SMYD3: variants seen among roughly 807,000 people sequenced by gnomAD.
SMYD3 encodes SET and MYND domain containing 3.
SMYD3 carries 36 observed loss-of-function variants against 57.7 expected under a neutral mutation model. The ratio of observed to expected loss-of-function variants is 0.62; its 90% CI spans 0.48 to 0.82. SMYD3 has a LOEUF of 0.82. Among genes scored for constraint, SMYD3 ranks in the 40% least tolerant of loss-of-function variants. The pLI is 0.00. For synonymous variants in SMYD3, 211 were observed against 195.0 expected, an observed-to-expected ratio of 1.08 and a Z score of -0.68; for missense variants, 515 against 538.8, an observed-to-expected ratio of 0.96 and a Z score of 0.44.
chr1:246,497,385 C>T (rs764762504), intron 1 of SMYD3, among the ~76,000 whole-genome samples: 27 of 152,138 alleles, frequency 1.8e-4, no homozygotes, highest in Admixed American at 1.1e-3. Flanking sequence ...AGGCTAAGAA[C>T]AGTTTGGAAA....
chr1:246,459,080 C>T (rs1041428784), intron 1 of SMYD3, among the ~76,000 whole-genome samples: 3 of 152,106 alleles, frequency 2.0e-5, no homozygotes, highest in African/African-American at 7.2e-5. Context: ...ATCATGGGGG[C>T]AGACTTCCCC....
intron 10 of SMYD3, among the ~76,000 whole-genome samples, chr1:245,833,073 A>AAAAAAAAAAACAAAAAAAACACAAC: frequency 7.8e-6 from 1 of 128,652 alleles, no homozygotes; most frequent in Non-Finnish European, 1.6e-5. Flanking sequence ...AAAAAAAAAA[A>AAAAAAAAAAACAAAAAAAACACAAC]AACCTGCTTT....
intron 10 of SMYD3, among the ~76,000 whole-genome samples, chr1:245,795,060 T>A (rs2047462961): frequency 6.6e-6 from 1 of 152,198 alleles, no homozygotes; most frequent in Admixed American, 6.5e-5. Flanking sequence ...CAGTGGCAGG[T>A]TCTCTCCCAT....
At chr1:246,292,163 C>T (rs1282512026) in intron 5 of SMYD3, among the ~76,000 whole-genome samples, 1 of 151,100 alleles carries the variant, frequency 6.6e-6, no homozygotes, top group Non-Finnish European at 1.5e-5. Context: ...ATCCAACACA[C>T]CAGCATCTTA....
chr1:246,120,027 T>C (rs2061401487), intron 5 of SMYD3, among the ~76,000 whole-genome samples: 1 of 152,280 alleles, frequency 6.6e-6, no homozygotes, highest in Admixed American at 6.5e-5. Context: ...TATGCTTAGG[T>C]CTGACGAAGA....
At chr1:246,075,064 A>T (rs1456970566) in intron 5 of SMYD3, among the ~76,000 whole-genome samples, 1 of 151,726 alleles carries the variant, frequency 6.6e-6, no homozygotes, top group Non-Finnish European at 1.5e-5. Flanking sequence ...CATTCTCAAG[A>T]AAAAAAAATT....
intron 1 of SMYD3, among the ~76,000 whole-genome samples, chr1:246,501,566 T>C: frequency 6.6e-6 from 1 of 152,196 alleles, no homozygotes; most frequent in Non-Finnish European, 1.5e-5. Flanking sequence ...ATCCATTGAT[T>C]CGGCCACATT....
At chr1:246,013,399 C>T (rs1440374044) in intron 5 of SMYD3, among the ~76,000 whole-genome samples, 7 of 152,072 alleles carry the variant, frequency 4.6e-5, no homozygotes, top group African/African-American at 9.7e-5. Flanking sequence ...AGGCTGGTCT[C>T]GAACTCCCAA....
chr1:246,225,213 C>T (rs754945901), intron 5 of SMYD3, among the ~76,000 whole-genome samples: 2 of 149,940 alleles, frequency 1.3e-5, no homozygotes, highest in Non-Finnish European at 3.0e-5. Context: ...CATCAACAGC[C>T]GTCAAAAGAT....
intron 8 of SMYD3, among the ~76,000 whole-genome samples, chr1:245,903,143 A>G (rs555820990): frequency 2.0e-5 from 3 of 152,336 alleles, no homozygotes; most frequent in Non-Finnish European, 4.4e-5. Flanking sequence ...AGATATCGTA[A>G]AAAGAACCAA....
intron 5 of SMYD3, among the ~76,000 whole-genome samples, chr1:246,120,309 C>T (rs1048313571): frequency 6.6e-5 from 10 of 152,078 alleles, no homozygotes; most frequent in East Asian, 1.9e-4. Context: ...GTAGCATGTC[C>T]GGAACCCCAT....
intron 3 of SMYD3, among the ~76,000 whole-genome samples, chr1:246,334,519 T>C (rs1348146617): frequency 6.6e-6 from 1 of 151,980 alleles, no homozygotes; most frequent in East Asian, 1.9e-4. Context: ...TGGGTGGACA[T>C]GGACACAAAG....
intron 5 of SMYD3, chr1:245,953,434 T>C: frequency 1.2e-6 from 1 of 827,536 alleles, no homozygotes; most frequent in Non-Finnish European, 1.5e-6. Flanking sequence ...TTTTGTTTTG[T>C]TTTTGAGACA....
intron 7 of SMYD3, among the ~76,000 whole-genome samples, chr1:245,919,642 C>G (rs942456670): frequency 6.6e-6 from 1 of 152,118 alleles, no homozygotes; most frequent in Non-Finnish European, 1.5e-5. Flanking sequence ...CTGGTAATGA[C>G]AGCTAAAATC....
chr1:246,224,284 G>A (rs2063297756), intron 5 of SMYD3, among the ~76,000 whole-genome samples: 1 of 152,002 alleles, frequency 6.6e-6, no homozygotes. Context: ...TCTGGGGTGG[G>A]GTGTGGCATT....
At chr1:246,195,730 T>C (rs2062821635) in intron 5 of SMYD3, among the ~76,000 whole-genome samples, 1 of 152,224 alleles carries the variant, frequency 6.6e-6, no homozygotes, top group African/African-American at 2.4e-5. Context: ...CACTAAGTCA[T>C]GACCCTGCAG....
In SMYD3 at chr1:246,130,972, C is replaced by T. The variant is rs186385348; in HGVS notation, c.531+196229G>A. Reference sequence around the variant, plus strand: ...AAACCTCGTCTTAACACTCCTAGTCCTGTACACTACACACACTCTATGCTC... The same window carrying T: ...AAACCTCGTCTTAACACTCCTAGTCTTGTACACTACACACACTCTATGCTC... On this transcript the variant is annotated intron_variant, in intron 5 of 11. Coordinates refer to ENST00000490107, the MANE Select transcript of SMYD3 (RefSeq NM_001167740.2). Among the ~76,000 whole-genome samples the T allele has an allele frequency of 3.0e-3, 451 of 152,230 alleles. 2 individuals are homozygous for T. Among genetic ancestry groups the T allele is most frequent in the Middle Eastern group, 6.8e-3 (2 of 294 alleles).
At chr1:246,170,779 C>T (rs2062315889) in intron 5 of SMYD3, among the ~76,000 whole-genome samples, 1 of 152,168 alleles carries the variant, frequency 6.6e-6, no homozygotes, top group South Asian at 2.1e-4. Flanking sequence ...GAAAGACTGA[C>T]ACGTTATAAT....
intron 5 of SMYD3, among the ~76,000 whole-genome samples, chr1:246,271,762 A>C (rs563455476): frequency 6.6e-6 from 1 of 152,316 alleles, no homozygotes; most frequent in African/African-American, 2.4e-5. Context: ...TTTCAAGATA[A>C]CTTTAGCTAT....
Sources: allele counts gnomAD v4.1 joint callset (sites outside exome capture counted in the v4.1 genomes callset), GRCh38; gene constraint gnomAD v4.1.1; transcripts MANE v1.5; gene names NCBI Gene and HGNC (gene_info 2026-07-23, HGNC 2026-07-21).